The following ELMO1 variants were observed in gnomAD, a reference collection of about 807,000 sequenced individuals.
The protein encoded by ELMO1 is engulfment and cell motility protein 1.
Under a neutral mutation model 98.9 loss-of-function variants are expected in ELMO1, and 26 were observed. The observed-to-expected ratio is 0.26, with a 90% CI of 0.19 to 0.36. The LOEUF is 0.36. ELMO1 is among the 10% of genes least tolerant of loss of function. The probability of loss-of-function intolerance (pLI) is 1.00; values close to 1 mark genes in which losing one functional copy is unlikely to be tolerated. For synonymous variants in ELMO1, 346 were observed against 346.0 expected, an observed-to-expected ratio of 1.00 and a Z score of 0.00; for missense variants, 627 against 935.2, an observed-to-expected ratio of 0.67 and a Z score of 4.30.
rs537795962 is a variant in ELMO1 at position 37,116,098 on chromosome 7, C to T, written c.1191+17032G>A. Among the ~76,000 whole-genome samples the T allele has an allele frequency of 2.0e-5, 3 of 152,308 alleles. No homozygotes were observed. The East Asian group carries it at 5.8e-4, about 29-fold the overall frequency. ...TTAAAAAGGCAGAGAGGTCTGCATT[C>T]TCTTGAGAAAAACAGAAGAGAGAGG... is the stretch of plus-strand genomic sequence containing the variant. On this transcript the variant is annotated intron_variant, in intron 14 of 21. Transcript: ENST00000310758.
chr7:37,112,522 G>A (rs1167918164), intron 14 of ELMO1, among the ~76,000 whole-genome samples: 1 of 152,166 alleles, frequency 6.6e-6, no homozygotes, highest in Non-Finnish European at 1.5e-5. Flanking sequence ...TTGCAGACAG[G>A]TGTGAATGAC....
At chr7:37,155,957 A>T (rs1379260396) in intron 13 of ELMO1, among the ~76,000 whole-genome samples, 1 of 152,238 alleles carries the variant, frequency 6.6e-6, no homozygotes, top group Non-Finnish European at 1.5e-5. Context: ...AAAAGAACAG[A>T]AATTACAACA....
chr7:36,913,289 T>C (rs978673416), intron 16 of ELMO1, among the ~76,000 whole-genome samples: 2 of 152,216 alleles, frequency 1.3e-5, no homozygotes, highest in Admixed American at 1.3e-4. Context: ...GGGGACCCTG[T>C]TGATCTGAAA....
rs1171533235 is a variant in ELMO1 at position 37,057,853 on chromosome 7, T to C, written c.1300+38766A>G. The stretch of plus-strand genomic sequence containing the variant: ...ATCTCTATTTTCAGACCAGAAAACA[T>C]TTTCTGTTACATTTGTGTATTGCCA... On this transcript the variant is annotated intron_variant, in intron 15 of 21. Transcript: ENST00000310758. 5.3e-5 allele frequency among the ~76,000 whole-genome samples: 8 copies of C among 152,242 alleles called. No individual in the cohort carries two copies. The East Asian group carries it at 1.5e-3, about 29-fold the overall frequency.
At chr7:37,397,030 T>G (rs1009245428) in intron 1 of ELMO1, among the ~76,000 whole-genome samples, 1 of 152,176 alleles carries the variant, frequency 6.6e-6, no homozygotes, top group Non-Finnish European at 1.5e-5. Flanking sequence ...AAAGAGAGAC[T>G]GAGGTAGACT....
chr7:37,258,070 C>T (rs1242936001), intron 6 of ELMO1, among the ~76,000 whole-genome samples: 2 of 151,862 alleles, frequency 1.3e-5, no homozygotes, highest in Admixed American at 1.3e-4. Context: ...GAGATCGAGA[C>T]CATCCTGGCT....
chr7:37,167,852 G>A (rs376492926), intron 13 of ELMO1, among the ~76,000 whole-genome samples: 207 of 147,182 alleles, frequency 1.4e-3, no homozygotes, highest in African/African-American at 4.0e-3. Context: ...TCTTTGTGGC[G>A]TTCTCTGTAT....
At chr7:37,228,773 C>T (rs932950782) in intron 8 of ELMO1, among the ~76,000 whole-genome samples, 31 of 152,032 alleles carry the variant, frequency 2.0e-4, no homozygotes, top group African/African-American at 6.8e-4. Context: ...GAGGCCGAGG[C>T]GGGTGGATCA....
At chr7:37,270,838 A>G (rs929085149) in intron 5 of ELMO1, 1 of 152,018 alleles carries the variant, frequency 6.6e-6, no homozygotes, top group Non-Finnish European at 1.5e-5. Flanking sequence ...AATTGTCATA[A>G]TAACCCATTA....
intron 15 of ELMO1, among the ~76,000 whole-genome samples, chr7:37,084,203 G>A (rs1351136426): frequency 6.6e-6 from 1 of 152,174 alleles, no homozygotes; most frequent in Non-Finnish European, 1.5e-5. Context: ...ATGAAGAGGA[G>A]CCCTTTAGTA....
At chr7:37,024,077 T>C (rs1794431953) in intron 15 of ELMO1, among the ~76,000 whole-genome samples, 1 of 152,168 alleles carries the variant, frequency 6.6e-6, no homozygotes, top group Admixed American at 6.5e-5. Context: ...TTCTCCCTCC[T>C]TCCCTCCTTT....
chr7:36,939,532 G>C (rs1480319661), intron 16 of ELMO1, among the ~76,000 whole-genome samples: 1 of 152,224 alleles, frequency 6.6e-6, no homozygotes, highest in East Asian at 1.9e-4. Flanking sequence ...ATTCCAACTT[G>C]GATATGTTTT....
intron 18 of ELMO1, among the ~76,000 whole-genome samples, chr7:36,885,311 C>A (rs1156450143): frequency 1.7e-5 from 2 of 118,664 alleles, no homozygotes; most frequent in African/African-American, 5.9e-5. Context: ...ACGGGACTAA[C>A]ATTTTTTAAA....
chr7:36,895,098 C>T, intron 16 of ELMO1, 81 bp from the exon 17 acceptor site: 3 of 1,528,960 alleles, frequency 2.0e-6, no homozygotes, highest in East Asian at 4.5e-5. Flanking sequence ...TAAGGGCTCC[C>T]TGCTTCCCTG....
chr7:37,375,776 T>C (rs1321514360), intron 1 of ELMO1: 1 of 1,024,988 alleles, frequency 9.8e-7, no homozygotes, highest in Non-Finnish European at 1.5e-6. Flanking sequence ...TACCTTCATC[T>C]GACCCTGGAG....
At chr7:37,071,715 C>T (rs1797281104) in intron 15 of ELMO1, among the ~76,000 whole-genome samples, 1 of 152,102 alleles carries the variant, frequency 6.6e-6, no homozygotes, top group African/African-American at 2.4e-5. Context: ...CTCATGCTAC[C>T]ATATTTTATT....
chr7:36,949,322 C>T (rs553561586), intron 16 of ELMO1, among the ~76,000 whole-genome samples: 9 of 152,306 alleles, frequency 5.9e-5, no homozygotes, highest in Non-Finnish European at 1.3e-4. Context: ...GCCTTGGCCA[C>T]AAATGGAGGA....
intron 13 of ELMO1, chr7:37,211,032 TA>T: frequency 4.9e-6 from 1 of 204,682 alleles, no homozygotes. Flanking sequence ...ATCAACTCAA[TA>T]ACCCAATAAT....
intron 13 of ELMO1, among the ~76,000 whole-genome samples, chr7:37,167,496 TTA>T (rs1230544103): frequency 6.6e-6 from 1 of 150,958 alleles, no homozygotes; most frequent in African/African-American, 2.4e-5. Flanking sequence ...CTTTCCATGT[TTA>T]GTGCTTCCTT....
Sources: gnomAD v4.1 joint callset for allele counts (sites outside exome capture counted in the v4.1 genomes callset) on GRCh38, gnomAD v4.1.1 for gene constraint, MANE v1.5 for transcripts, NCBI Gene and HGNC (gene_info 2026-07-23, HGNC 2026-07-21) for gene names.